The following RRN3 variants were observed in gnomAD, a reference collection of about 807,000 sequenced individuals.
RRN3 encodes RNA polymerase I transcription factor RRN3.
In RRN3, 38 loss-of-function variants were observed where a neutral mutation model predicts 82.3. The observed-to-expected ratio is 0.46, with a 90% CI of 0.36 to 0.61. The LOEUF is 0.61. Among genes scored for constraint, RRN3 ranks in the 20% least tolerant of loss-of-function variants. The probability of loss-of-function intolerance (pLI) is 0.00; values close to 1 mark genes in which losing one functional copy is unlikely to be tolerated. For missense variants in RRN3, 726 were observed against 793.1 expected (o/e 0.92, Z 1.02); for synonymous variants, 284 against 284.3 (o/e 1.00, Z 0.01).
At chr16:15,068,093 A>T in intron 15 of RRN3, 76 bp downstream of exon 15, 1 of 1,499,756 alleles carries the variant, frequency 6.7e-7, no homozygotes, top group Non-Finnish European at 9.0e-7. Context: ...TAGAAATTTA[A>T]CACTCTTACA....
chr16:15,092,111 G>A (rs1244313105), intron 2 of RRN3, among the ~76,000 whole-genome samples: 4 of 152,156 alleles, frequency 2.6e-5, no homozygotes, highest in Admixed American at 6.6e-5. Flanking sequence ...CCTGGGAGGT[G>A]GAGGATGCAG....
At chr16:15,079,105 C>T (rs1215955983) in intron 9 of RRN3, among the ~76,000 whole-genome samples, 2 of 152,050 alleles carry the variant, frequency 1.3e-5, no homozygotes, top group African/African-American at 2.4e-5. Context: ...CCACCACGCC[C>T]GGCCTCCTCT....
At chr16:15,067,242 C>A (rs572506783) in intron 15 of RRN3, among the ~76,000 whole-genome samples, 1 of 151,798 alleles carries the variant, frequency 6.6e-6, no homozygotes, top group Non-Finnish European at 1.5e-5. Context: ...TATGATCCGG[C>A]CTAAATATCC....
At chr16:15,084,019 A>G (rs2045811986) in intron 7 of RRN3, among the ~76,000 whole-genome samples, 2 of 152,302 alleles carry the variant, frequency 1.3e-5, no homozygotes, top group Admixed American at 1.3e-4. Context: ...CCCGGCCAGA[A>G]CTGGAACTTA....
intron 3 of RRN3, among the ~76,000 whole-genome samples, chr16:15,089,479 C>G (rs1470379442): frequency 6.6e-6 from 1 of 151,968 alleles, no homozygotes; most frequent in Non-Finnish European, 1.5e-5. Flanking sequence ...AATTTAAGAT[C>G]AAGAAACTAT....
At chr16:15,070,714 T>C (rs1195941206) in intron 13 of RRN3, among the ~76,000 whole-genome samples, 2 of 152,106 alleles carry the variant, frequency 1.3e-5, no homozygotes, top group Non-Finnish European at 2.9e-5. Context: ...GGTATCTTTA[T>C]GGGCCACTGG....
intron 17 of RRN3, among the ~76,000 whole-genome samples, 192 bp from the exon 18 acceptor site, chr16:15,062,097 T>G (rs2044737910): frequency 6.6e-6 from 1 of 152,186 alleles, no homozygotes; most frequent in African/African-American, 2.4e-5. Context: ...GAGGACTGCT[T>G]GAGCTCAAGA....
intron 16 of RRN3, 139 bp downstream of exon 16, chr16:15,065,080 G>T: frequency 1.3e-6 from 1 of 769,072 alleles, no homozygotes; most frequent in Non-Finnish European, 2.1e-6. Flanking sequence ...TCAGGAGAAT[G>T]GTGTGAACCC....
chr16:15,076,406 T>C (rs2045455849), intron 10 of RRN3, 152 bp downstream of exon 10: 1 of 666,768 alleles, frequency 1.5e-6, no homozygotes, highest in South Asian at 1.7e-5. Context: ...CTAAATGACA[T>C]GGCAGCAAAT....
At chr16:15,075,559 T>G (rs1002775379) in intron 10 of RRN3, among the ~76,000 whole-genome samples, 1 of 150,332 alleles carries the variant, frequency 6.7e-6, no homozygotes, top group African/African-American at 2.4e-5. Context: ...GGCAACAGAG[T>G]GAGACCCTGT....
intron 16 of RRN3, among the ~76,000 whole-genome samples, chr16:15,064,890 G>A (rs770512745): frequency 3.3e-5 from 5 of 152,212 alleles, no homozygotes; most frequent in Admixed American, 6.5e-5. Context: ...CTCCTGGCCG[G>A]GCGCGGTGGC....
chr16:15,068,117 A>C, intron 15 of RRN3, 52 bp downstream of exon 15: 2 of 1,488,402 alleles, frequency 1.3e-6, no homozygotes, highest in Non-Finnish European at 9.1e-7. Flanking sequence ...CTAGATAAAC[A>C]TAAATAAAAA....
chr16:15,061,742 C>T lies in RRN3; in HGVS notation c.*2G>A, dbSNP rs370696732. On this transcript the variant is annotated 3_prime_UTR_variant, in exon 18 of 18. Transcript: ENST00000198767. The stretch of plus-strand genomic sequence containing the variant: ...TCACATCTCAGTCACAAATTTCTGC[C>T]GTCAGAGGGGACTGGGTTGCATGTA... The T allele has an allele frequency of 1.0e-5, 16 of 1,605,102 alleles. No individual in the cohort carries two copies. Among genetic ancestry groups the T allele is most frequent in the Middle Eastern group, 1.7e-4 (1 of 5,884 alleles).
chr16:15,089,857 T>A (rs1161094544), intron 3 of RRN3, among the ~76,000 whole-genome samples: 1 of 148,852 alleles, frequency 6.7e-6, no homozygotes, highest in African/African-American at 2.5e-5. Context: ...CGCTGAAGTT[T>A]TAAGAAGTGG....
At position 15,061,978 on chromosome 16, in the gene RRN3, G is replaced by A. The variant is rs1424118064; in HGVS notation, c.1795-73C>T. 1.8e-5 allele frequency: 26 copies of A among 1,432,662 alleles called. No homozygotes were observed. The East Asian group carries it at 2.5e-4, about 14-fold the overall frequency. The allele number at this position is 1,432,662 out of a possible 1,614,324, so 88.7% of individuals were successfully genotyped here. A position where few individuals can be genotyped will look rare whatever the true frequency, so the allele number is the denominator to read the frequency against. ...AAAGCTTTCAACAATTCCTTCCTCA[G>A]GAAGGTGTTAACGTTTGTAAAGATG... On this transcript the variant is annotated intron_variant, in intron 17 of 17. Coordinates refer to ENST00000198767, the MANE Select transcript of RRN3 (RefSeq NM_018427.5).
At chr16:15,073,700 C>T (rs2045336277) in intron 11 of RRN3, among the ~76,000 whole-genome samples, 1 of 152,132 alleles carries the variant, frequency 6.6e-6, no homozygotes, top group Non-Finnish European at 1.5e-5. Context: ...AATATATAGG[C>T]ACAAGTATGT....
At chr16:15,085,516 C>T in intron 6 of RRN3, 123 bp downstream of exon 6, 2 of 1,340,600 alleles carry the variant, frequency 1.5e-6, no homozygotes, top group Non-Finnish European at 2.1e-6. Flanking sequence ...CAAGGTCTCA[C>T]TATGTTGCCC....
At chr16:15,063,074 C>T (rs1228190329) in intron 17 of RRN3, 122 bp downstream of exon 17, 9 of 781,690 alleles carry the variant, frequency 1.2e-5, no homozygotes, top group Non-Finnish European at 2.3e-6. Flanking sequence ...CAGCAATCCT[C>T]TGGCCTTGAC....
intron 3 of RRN3, among the ~76,000 whole-genome samples, chr16:15,089,786 CAAAAAAAAAA>C (rs142235345): frequency 1.8e-4 from 12 of 66,578 alleles, no homozygotes; most frequent in African/African-American, 4.9e-4. Flanking sequence ...GGCGACAGAG[CAAAAAAAAAA>C]AAAAAAAAAA....
Sources: gnomAD v4.1 joint callset for allele counts (sites outside exome capture counted in the v4.1 genomes callset) on GRCh38, gnomAD v4.1.1 for gene constraint, MANE v1.5 for transcripts, NCBI Gene and HGNC (gene_info 2026-07-23, HGNC 2026-07-21) for gene names.